The following MXD1 variants were observed in gnomAD, a reference collection of about 807,000 sequenced individuals.
MXD1 encodes the protein MAX-binding protein.
MXD1 carries 9 observed loss-of-function variants against 25.7 expected under a neutral mutation model. That is an observed-to-expected ratio of 0.35 (90% CI 0.21 to 0.61). The LOEUF is 0.61. MXD1 is among the 20% of genes least tolerant of loss of function. MXD1 has a pLI of 0.75. For synonymous variants in MXD1, 99 were observed against 113.9 expected, an observed-to-expected ratio of 0.87 and a Z score of 0.83; for missense variants, 227 against 292.4, an observed-to-expected ratio of 0.78 and a Z score of 1.63.
In MXD1 at chr2:69,915,339, G is replaced by A; in HGVS notation, c.9G>A (p.Ala3=). 2 of 1,307,300 alleles carry A rather than the reference G, an allele frequency of 1.5e-6. No individual in the cohort carries two copies. The highest frequency in any genetic ancestry group is 2.3e-5 in the South Asian group (1 of 43,276). 81.0% of individuals were successfully genotyped at this position (1,307,300 alleles called of 1,614,324 possible). Residue 3 remains alanine (A), a synonymous_variant, in exon 1 of 6, where the codon GCG becomes GCA. Coordinates refer to ENST00000264444, the MANE Select transcript of MXD1 (RefSeq NM_002357.4). This position sits in a 1 kb window ranked among gnomAD's most constrained non-coding sequence, Gnocchi z 5.8. The part of the protein sequence containing the change: MA[A]AVRMNIQMLL... ...CCGGCCCCCGGTGCAGAATGGCGGC[G>A]GCGGTTCGGATGAACATCCAGATGC...
At chr2:69,919,414 G>A (rs982782329) in intron 2 of MXD1, among the ~76,000 whole-genome samples, 4 of 152,024 alleles carry the variant, frequency 2.6e-5, no homozygotes, top group South Asian at 4.1e-4. Context: ...GCACCATCTC[G>A]ACTTACTACA....
Position 69,940,367 on chromosome 2 carries a change from G to A in MXD1, c.*2083G>A, listed in dbSNP as rs1407025968. ...GAATGCCATTCACTAGACCTCTCAA[G>A]CATTTTGTTTCATTGCTACATCCAA... On this transcript the variant is annotated 3_prime_UTR_variant, in exon 6 of 6. Transcript: ENST00000264444. 1 of 152,306 alleles carries A rather than the reference G, an allele frequency of 6.6e-6. No homozygotes were observed. Among genetic ancestry groups the A allele is most frequent in the Non-Finnish European group, 1.5e-5 (1 of 68,046 alleles). The allele number at this position is 152,306 out of a possible 1,614,324, so 9.4% of individuals were successfully genotyped here. A position where few individuals can be genotyped will look rare whatever the true frequency, so the allele number is the denominator to read the frequency against.
At position 69,938,146 on chromosome 2, in the gene MXD1, G is replaced by A. The variant is rs773284763; in HGVS notation, c.528G>A (p.Leu176=). ...VESTDYLTGD[L]DWSSSSVSDS... is the part of the protein sequence containing the mutation. ...GCACGGACTATCTCACAGGTGATCT[G>A]GACTGGAGCAGCAGCAGTGTGAGCG... The change falls in exon 6 of 6, where the codon CTG becomes CTA. Residue 176 remains leucine, a synonymous_variant. Transcript: ENST00000264444. 8 of 1,614,226 alleles carry A rather than the reference G, an allele frequency of 5.0e-6. No individual in the cohort carries two copies. The highest frequency in any genetic ancestry group is 5.9e-6 in the Non-Finnish European group (7 of 1,180,040).
rs1277688340 is a variant in MXD1, at chr2:69,942,506, A to AT, written c.*4223dup. ...TCTCAAAATCATAAAGTGAGAATTCATAAGGCACCCAATGTTAAGATTTAT... is the reference window on the plus strand; with the variant it reads ...TCTCAAAATCATAAAGTGAGAATTCATTAAGGCACCCAATGTTAAGATTTAT... On this transcript the variant is annotated 3_prime_UTR_variant, in exon 6 of 6. Coordinates refer to ENST00000264444, the MANE Select transcript of MXD1 (RefSeq NM_002357.4). 6.6e-6 allele frequency: 1 copy of AT among 152,210 alleles called. No individual in the cohort carries two copies. The highest frequency in any genetic ancestry group is 1.5e-5 in the Non-Finnish European group (1 of 68,028). 9.4% of individuals were successfully genotyped at this position (152,210 alleles called of 1,614,324 possible).
At chr2:69,927,632 T>C (rs908612278) in intron 3 of MXD1, among the ~76,000 whole-genome samples, 2 of 152,218 alleles carry the variant, frequency 1.3e-5, no homozygotes, top group Admixed American at 1.3e-4. Context: ...AATAGTGGGA[T>C]AGAGCCAACA....
intron 2 of MXD1, among the ~76,000 whole-genome samples, chr2:69,921,010 A>G (rs373628426): frequency 6.6e-6 from 1 of 152,190 alleles, no homozygotes; most frequent in Admixed American, 6.5e-5. Context: ...TGTTCAGTAA[A>G]TAATTCGTAA....
chr2:69,933,200 C>CAAAAAAAAAAAAAAAAAA (rs59201689), intron 3 of MXD1, among the ~76,000 whole-genome samples: 1 of 80,144 alleles, frequency 1.2e-5, no homozygotes, highest in Non-Finnish European at 2.5e-5. Context: ...AACTCTGTCT[C>CAAAAAAAAAAAAAAAAAA]AAAAAAAAAA....
At chr2:69,936,436 T>TA (rs764484865) in intron 4 of MXD1, among the ~76,000 whole-genome samples, 21 of 152,196 alleles carry the variant, frequency 1.4e-4, no homozygotes, top group Non-Finnish European at 2.5e-4. Flanking sequence ...TAGCAAAGGG[T>TA]AAGGGGAATT....
At chr2:69,936,918 G>A in intron 4 of MXD1, 1 of 506,904 alleles carries the variant, frequency 2.0e-6, no homozygotes, top group South Asian at 1.5e-5. Context: ...AAACAAGGGA[G>A]ATCAGGTTGG....
chr2:69,934,347 G>A (rs1677369844), intron 3 of MXD1, among the ~76,000 whole-genome samples: 1 of 152,126 alleles, frequency 6.6e-6, no homozygotes. Flanking sequence ...GAATTTTCCA[G>A]GTTCTAGAAT....
intron 5 of MXD1, 63 bp downstream of exon 5, chr2:69,937,457 A>G: frequency 2.6e-6 from 3 of 1,165,186 alleles, no homozygotes; most frequent in Admixed American, 5.1e-5. Flanking sequence ...GCAGGGGTTC[A>G]GTACTGCGGA....
intron 3 of MXD1, among the ~76,000 whole-genome samples, chr2:69,931,833 G>A (rs138804843): frequency 3.9e-5 from 6 of 152,324 alleles, no homozygotes; most frequent in Non-Finnish European, 8.8e-5. Context: ...TTTCTGAAGA[G>A]TCAGAAGGTG....
intron 3 of MXD1, among the ~76,000 whole-genome samples, chr2:69,931,141 G>A (rs1466805192): frequency 1.3e-5 from 2 of 152,078 alleles, no homozygotes; most frequent in Admixed American, 6.5e-5. Context: ...AGTAAAATGT[G>A]GTGTTCATCC....
At position 69,937,408 on chromosome 2, in the gene MXD1, A is replaced by G; in HGVS notation, c.478+14A>G. 1 of 1,588,792 alleles carries G rather than the reference A, an allele frequency of 6.3e-7. No individual in the cohort carries two copies. On this transcript the variant is annotated intron_variant, in intron 5 of 5. Transcript: ENST00000264444. Reference sequence around the variant, plus strand: ...ACTCCGACAGGGGTGAGCCTCTCTCACTCTCCTCCCTGTCTCCCTTGTGCT... The same window carrying G: ...ACTCCGACAGGGGTGAGCCTCTCTCGCTCTCCTCCCTGTCTCCCTTGTGCT...
chr2:69,928,548 A>G (rs943636693), intron 3 of MXD1, among the ~76,000 whole-genome samples: 3 of 152,148 alleles, frequency 2.0e-5, no homozygotes, highest in Non-Finnish European at 4.4e-5. Context: ...CCTCAAAGGT[A>G]GGGACTTGAT....
rs1315589433 is a variant in MXD1, at chr2:69,915,735, G to T, written c.73+332G>T. 6.6e-6 allele frequency among the ~76,000 whole-genome samples: 1 copy of T among 152,206 alleles called. No individual in the cohort carries two copies. Among genetic ancestry groups the T allele is most frequent in the East Asian group, 1.9e-4 (1 of 5,194 alleles). On this transcript the variant is annotated intron_variant, in intron 1 of 5. Coordinates refer to ENST00000264444, the MANE Select transcript of MXD1 (RefSeq NM_002357.4). The surrounding 1 kb of genome is among the most constrained non-coding windows in gnomAD (Gnocchi z 5.8). ...TCCCGGCCGGCCCCCAGGTGGGCCCGGCGCCCCAGTCTCCTGGGCAGAGGA... is the reference window on the plus strand; with the variant it reads ...TCCCGGCCGGCCCCCAGGTGGGCCCTGCGCCCCAGTCTCCTGGGCAGAGGA...
intron 3 of MXD1, among the ~76,000 whole-genome samples, chr2:69,928,940 C>G (rs560371899): frequency 5.3e-5 from 8 of 152,330 alleles, no homozygotes; most frequent in South Asian, 2.1e-4. Flanking sequence ...GTCACCCAGG[C>G]TGGAGTACAG....
At chr2:69,921,403 G>T (rs1236391306) in intron 2 of MXD1, among the ~76,000 whole-genome samples, 1 of 152,174 alleles carries the variant, frequency 6.6e-6, no homozygotes, top group African/African-American at 2.4e-5. Context: ...AGAAAGCTTT[G>T]TCGTATTATA....
intron 2 of MXD1, 53 bp from the exon 3 acceptor site, chr2:69,921,683 T>A (rs1677066417): frequency 6.6e-7 from 1 of 1,518,514 alleles, no homozygotes; most frequent in South Asian, 1.2e-5. Flanking sequence ...GGTGTTGAAG[T>A]AGTTCTTTAA....
Sources: gnomAD v4.1 joint callset for allele counts (sites outside exome capture counted in the v4.1 genomes callset) on GRCh38, gnomAD v4.1.1 for gene constraint, Gnocchi (gnomAD v3.1) non-coding constraint, MANE v1.5 for transcripts, NCBI Gene and HGNC (gene_info 2026-07-23, HGNC 2026-07-21) for gene names.